Variants in CACNA1C observed in about 807,000 individuals in gnomAD.
CACNA1C encodes the protein voltage-dependent L-type calcium channel subunit alpha-1C.
A neutral mutation model predicts 229.0 loss-of-function variants in CACNA1C; 30 were observed. The observed-to-expected ratio is 0.13, with a 90% CI of 0.10 to 0.18. The LOEUF (loss-of-function observed/expected upper bound fraction) is 0.18. Ranked by LOEUF, CACNA1C falls within the 10% of genes least tolerant of loss-of-function variation. CACNA1C has a pLI of 1.00. For missense variants in CACNA1C, 1,658 were observed against 2,845.0 expected (o/e 0.58, Z 9.49); for synonymous variants, 1,114 against 1,132.5 (o/e 0.98, Z 0.33).
At chr12:2,540,146 C>T (rs1397446000) in intron 9 of CACNA1C, among the ~76,000 whole-genome samples, 1 of 152,162 alleles carries the variant, frequency 6.6e-6, no homozygotes, top group Non-Finnish European at 1.5e-5. Flanking sequence ...CTAGTGCTGC[C>T]CATGGGCCGG....
rs1426801610 is a variant in CACNA1C at position 2,029,994 on chromosome 12, G to A, written c.139+58793G>A. On this transcript the variant is annotated intron_variant, in intron 1 of 46. Transcript: ENST00000682462. The surrounding 1 kb of genome is among the most constrained non-coding windows in gnomAD (Gnocchi z 4.9). Reference sequence around the variant, plus strand: ...ACAGAGCCCACATGGCAGTGGAGAGGCTATCTCTTATCAGCACCTTTGCTG... The same window carrying A: ...ACAGAGCCCACATGGCAGTGGAGAGACTATCTCTTATCAGCACCTTTGCTG... Among the ~76,000 whole-genome samples, 1 of 152,204 alleles carries A rather than the reference G, an allele frequency of 6.6e-6. No individual in the cohort carries two copies. The highest frequency in any genetic ancestry group is 2.4e-5 in the African/African-American group (1 of 41,468).
At chr12:2,222,188 GT>G (rs1165102893) in intron 3 of CACNA1C, 2 of 152,196 alleles carry the variant, frequency 1.3e-5, no homozygotes, top group Non-Finnish European at 2.9e-5. Context: ...GAAAAAACTT[GT>G]GATGTCTTAC....
intron 9 of CACNA1C, among the ~76,000 whole-genome samples, chr12:2,526,445 C>T (rs1822898016): frequency 6.6e-6 from 1 of 152,240 alleles, no homozygotes; most frequent in South Asian, 2.1e-4. Context: ...AATCACAGGA[C>T]ATGCTCAAAG....
chr12:2,352,260 C>T (rs899572426), intron 3 of CACNA1C, among the ~76,000 whole-genome samples: 10 of 152,150 alleles, frequency 6.6e-5, no homozygotes, highest in African/African-American at 2.2e-4. Flanking sequence ...GCTCATTTGA[C>T]GAGGTCTCCT....
intron 3 of CACNA1C, among the ~76,000 whole-genome samples, chr12:2,122,974 C>T (rs1305014999): frequency 1.3e-5 from 2 of 152,188 alleles, no homozygotes; most frequent in Non-Finnish European, 2.9e-5. Context: ...CAAAAAATTT[C>T]CTCGCAGGGA....
intron 3 of CACNA1C, among the ~76,000 whole-genome samples, chr12:2,143,137 G>A (rs370892445): frequency 1.3e-5 from 2 of 150,858 alleles, no homozygotes; most frequent in Admixed American, 6.7e-5. Context: ...CACCATGCCC[G>A]GCTAAGTTTT....
rs147908456 is a variant in CACNA1C, at chr12:2,317,802, A to G, written c.478-131174A>G. 4.4e-3 allele frequency among the ~76,000 whole-genome samples: 672 copies of G among 152,332 alleles called. 7 individuals are homozygous for G. Among genetic ancestry groups the G allele is most frequent in the African/African-American group, 0.014 (584 of 41,576 alleles). On this transcript the variant is annotated intron_variant, in intron 3 of 46. Transcript: ENST00000399655. ...GCTCTGGTGGCGATTGGATGTGGGA[A>G]CACAGTCTGGGTGGAGAGGAGATTT... is the stretch of plus-strand genomic sequence containing the variant.
intron 9 of CACNA1C, among the ~76,000 whole-genome samples, chr12:2,515,190 A>C (rs1167828579): frequency 6.6e-6 from 1 of 152,188 alleles, no homozygotes; most frequent in Non-Finnish European, 1.5e-5. Flanking sequence ...CAGGGGAATG[A>C]ATATTTTAAA....
chr12:2,667,763 G>A (rs756171319), intron 37 of CACNA1C, among the ~76,000 whole-genome samples: 20 of 152,128 alleles, frequency 1.3e-4, no homozygotes, highest in African/African-American at 2.9e-4. Context: ...AGTTCACACC[G>A]TCCATGAGGC....
At chr12:2,462,947 C>T (rs2099521860) in intron 5 of CACNA1C, among the ~76,000 whole-genome samples, 1 of 131,672 alleles carries the variant, frequency 7.6e-6, no homozygotes, top group African/African-American at 2.9e-5. Flanking sequence ...GAGTCTTGCT[C>T]TGTCGCCCAG....
intron 22 of CACNA1C, among the ~76,000 whole-genome samples, chr12:2,603,098 C>T (rs1455795190): frequency 1.3e-5 from 2 of 152,152 alleles, no homozygotes; most frequent in East Asian, 3.8e-4. Context: ...TTTCTGTGAT[C>T]ATCAGTTATA....
At chr12:2,505,033 C>A in intron 8 of CACNA1C, 88 bp downstream of exon 8, 2 of 750,500 alleles carry the variant, frequency 2.7e-6, no homozygotes, top group Non-Finnish European at 4.6e-6. Flanking sequence ...CTTTTTCTGG[C>A]TCTGATGAAC....
chr12:2,611,108 G>A (rs1477930198), intron 28 of CACNA1C, among the ~76,000 whole-genome samples: 2 of 149,530 alleles, frequency 1.3e-5, no homozygotes, highest in African/African-American at 4.9e-5. Flanking sequence ...ATGGAGAGAG[G>A]GGAGGAGATG....
At chr12:2,184,966 T>C (rs918478530) in intron 3 of CACNA1C, among the ~76,000 whole-genome samples, 1 of 152,208 alleles carries the variant, frequency 6.6e-6, no homozygotes, top group Non-Finnish European at 1.5e-5. Flanking sequence ...AGGAAAGGCA[T>C]GTGGAGCTAA....
intron 30 of CACNA1C, among the ~76,000 whole-genome samples, chr12:2,636,485 A>G (rs1470116686): frequency 6.6e-6 from 1 of 152,244 alleles, no homozygotes; most frequent in African/African-American, 2.4e-5. Flanking sequence ...ACATTGGAAT[A>G]GTGGTTTTCT....
intron 1 of CACNA1C, among the ~76,000 whole-genome samples, chr12:1,995,578 C>T (rs1485485298): frequency 1.3e-5 from 2 of 152,228 alleles, no homozygotes; most frequent in African/African-American, 2.4e-5. Flanking sequence ...CCCATTCCTT[C>T]CTTCCACCTC....
chr12:2,527,890 G>A (rs747062814), intron 9 of CACNA1C, among the ~76,000 whole-genome samples: 3 of 152,140 alleles, frequency 2.0e-5, no homozygotes, highest in Non-Finnish European at 2.9e-5. Flanking sequence ...CCATCAGGCC[G>A]AGCATCCTAG....
intron 10 of CACNA1C, among the ~76,000 whole-genome samples, chr12:2,551,392 C>T (rs572283623): frequency 6.6e-6 from 1 of 152,264 alleles, no homozygotes; most frequent in Admixed American, 6.5e-5. Context: ...AGCACATGCT[C>T]TGCAGCCTGG....
chr12:2,493,187 G>A lies in CACNA1C; in HGVS notation c.917-3G>A. 1 of 1,612,980 alleles carries A rather than the reference G, an allele frequency of 6.2e-7. No homozygotes were observed. The highest frequency in any genetic ancestry group is 1.1e-5 in the South Asian group (1 of 90,974). The stretch of plus-strand genomic sequence containing the variant: ...GTCTCCTGTCTTCTTCTGGCCATTT[G>A]AGATGTTCCAGCAGAAGATGACCCT... On this transcript the variant is annotated splice_polypyrimidine_tract_variant and splice_region_variant and intron_variant, in intron 6 of 46. Transcript: ENST00000399655. The surrounding 1 kb of genome is among the most constrained non-coding windows in gnomAD (Gnocchi z 4.6).
Sources: gnomAD v4.1 joint callset for allele counts (sites outside exome capture counted in the v4.1 genomes callset) on GRCh38, gnomAD v4.1.1 for gene constraint, Gnocchi (gnomAD v3.1) non-coding constraint, MANE v1.5 for transcripts, NCBI Gene and HGNC (gene_info 2026-07-23, HGNC 2026-07-21) for gene names.